LRBA: variants seen among roughly 807,000 people sequenced by gnomAD.
LRBA encodes the protein LPS responsive beige-like anchor protein, also known as lipopolysaccharide-responsive and beige-like anchor protein.
In LRBA, 176 loss-of-function variants were observed where a neutral mutation model predicts 330.0. The ratio of observed to expected loss-of-function variants is 0.53; its 90% CI spans 0.47 to 0.60. LRBA has a LOEUF of 0.60. LRBA is among the 20% of genes least tolerant of loss of function. LRBA has a pLI of 0.00. For synonymous variants in LRBA, 1,230 were observed against 1,193.0 expected (o/e 1.03, Z -0.64); for missense variants, 3,259 against 3,444.8 (o/e 0.95, Z 1.35).
chr4:150,936,949 C>T (rs1735138534), intron 2 of LRBA, among the ~76,000 whole-genome samples: 1 of 151,952 alleles, frequency 6.6e-6, no homozygotes, highest in South Asian at 2.1e-4. Context: ...ACATAAGAGA[C>T]CTTACCTTCA....
chr4:150,706,791 C>T (rs9884181), intron 36 of LRBA, among the ~76,000 whole-genome samples: 132,391 of 151,560 alleles, frequency 0.87, 58,372 homozygotes, highest in Non-Finnish European at 0.95. Flanking sequence ...AAAGGACATG[C>T]TCACAGAAAG....
At chr4:150,339,294 A>T (rs997695702) in intron 48 of LRBA, among the ~76,000 whole-genome samples, 4 of 152,320 alleles carry the variant, frequency 2.6e-5, no homozygotes, top group Admixed American at 6.5e-5. Context: ...AAATTCCTTC[A>T]TTCCTGTCAA....
At chr4:150,770,224 C>T (rs575342093) in intron 34 of LRBA, among the ~76,000 whole-genome samples, 33 of 152,248 alleles carry the variant, frequency 2.2e-4, no homozygotes, top group South Asian at 1.2e-3. Flanking sequence ...GGGACTTACA[C>T]CATTGGTTTT....
At chr4:150,599,163 G>A (rs776253657) in intron 37 of LRBA, 32 bp from the exon 38 acceptor site, 8 of 1,611,294 alleles carry the variant, frequency 5.0e-6, no homozygotes, top group Non-Finnish European at 6.8e-6. Context: ...ACATATGTTA[G>A]CAATTATCAA....
chr4:150,315,230 T>C (rs1043750425), intron 51 of LRBA: 3 of 366,884 alleles, frequency 8.2e-6, no homozygotes, highest in Non-Finnish European at 9.9e-6. Flanking sequence ...TAACGTGCCT[T>C]GCTCCTGCTC....
At chr4:150,383,406 T>C (rs1424277152) in intron 47 of LRBA, among the ~76,000 whole-genome samples, 6 of 152,124 alleles carry the variant, frequency 3.9e-5, no homozygotes, top group African/African-American at 1.2e-4. Context: ...AGAACCACCA[T>C]GTCTGGCTAA....
At chr4:150,948,292 A>G (rs1349368943) in intron 2 of LRBA, among the ~76,000 whole-genome samples, 1 of 152,048 alleles carries the variant, frequency 6.6e-6, no homozygotes, top group African/African-American at 2.4e-5. Flanking sequence ...ACATAAATCA[A>G]TGAGACAGAA....
chr4:150,613,728 C>T (rs1250396863), intron 37 of LRBA, among the ~76,000 whole-genome samples: 1 of 152,222 alleles, frequency 6.6e-6, no homozygotes, highest in Non-Finnish European at 1.5e-5. Context: ...TGCTTTGCAT[C>T]TCTGGCGGGA....
At chr4:150,498,549 G>C (rs1759856449) in intron 40 of LRBA, among the ~76,000 whole-genome samples, 1 of 152,004 alleles carries the variant, frequency 6.6e-6, no homozygotes, top group South Asian at 2.1e-4. Flanking sequence ...GGATATTAAG[G>C]AACCATAGCA....
intron 2 of LRBA, among the ~76,000 whole-genome samples, chr4:150,964,244 T>TG (rs202101772): frequency 0.014 from 1,984 of 137,178 alleles, 56 homozygotes; most frequent in Non-Finnish European, 0.016. Flanking sequence ...GTCTGGGAGA[T>TG]GGGGGGGCCC....
intron 47 of LRBA, among the ~76,000 whole-genome samples, chr4:150,407,472 A>G (rs1746362782): frequency 6.6e-6 from 1 of 152,204 alleles, no homozygotes; most frequent in South Asian, 2.1e-4. Context: ...ACAAAAACAA[A>G]AAAAACAACT....
In LRBA at chr4:150,510,526, C is replaced by G. The variant is rs1232321914; in HGVS notation, c.6331-19491G>C. 8.5e-5 allele frequency among the ~76,000 whole-genome samples: 13 copies of G among 152,310 alleles called. No homozygotes were observed. In the East Asian group the frequency reaches 2.5e-3, roughly 29 times the overall value. ...TAAATGTCTTCTCATACTACCTTCC[C>G]ACTCTTGTACCTTCACAAATTGTCA... On this transcript the variant is annotated intron_variant, in intron 40 of 56. Coordinates refer to ENST00000651943, the MANE Select transcript of LRBA (RefSeq NM_001364905.1).
intron 2 of LRBA, among the ~76,000 whole-genome samples, chr4:151,004,158 T>C (rs1324720381): frequency 6.6e-6 from 1 of 152,096 alleles, no homozygotes; most frequent in African/African-American, 2.4e-5. Flanking sequence ...CTGCCCGGCC[T>C]CCCAAGTAGC....
chr4:150,997,335 T>C (rs1742767198), intron 2 of LRBA, among the ~76,000 whole-genome samples: 2 of 152,344 alleles, frequency 1.3e-5, no homozygotes, highest in East Asian at 1.9e-4. Context: ...TCAAAAGTCA[T>C]TGTGTCAATT....
At chr4:150,983,113 C>T (rs1741045490) in intron 2 of LRBA, among the ~76,000 whole-genome samples, 1 of 151,962 alleles carries the variant, frequency 6.6e-6, no homozygotes, top group Non-Finnish European at 1.5e-5. Context: ...GAAAAAACAA[C>T]ATTATAAAAC....
At chr4:150,800,152 TA>T (rs1741393921) in intron 33 of LRBA, among the ~76,000 whole-genome samples, 3 of 152,246 alleles carry the variant, frequency 2.0e-5, no homozygotes, top group Admixed American at 2.0e-4. Context: ...AGAAGGTTCA[TA>T]GCTACTTTCT....
intron 36 of LRBA, among the ~76,000 whole-genome samples, chr4:150,729,008 T>C (rs1025092623): frequency 2.6e-5 from 4 of 152,176 alleles, no homozygotes; most frequent in Non-Finnish European, 4.4e-5. Flanking sequence ...AGTTGCAGTA[T>C]ACAAAAACCA....
intron 46 of LRBA, among the ~76,000 whole-genome samples, chr4:150,419,765 G>A (rs1296321634): frequency 6.7e-6 from 1 of 149,248 alleles, no homozygotes; most frequent in African/African-American, 2.5e-5. Flanking sequence ...AGCTTCCTTA[G>A]TAGCTGAGAT....
At chr4:150,268,861 C>G (rs753829913) in intron 56 of LRBA, among the ~76,000 whole-genome samples, 4 of 152,182 alleles carry the variant, frequency 2.6e-5, no homozygotes, top group African/African-American at 9.7e-5. Flanking sequence ...TTTAATCACT[C>G]TTATCCAACA....
Sources: gnomAD v4.1 joint callset for allele counts (sites outside exome capture counted in the v4.1 genomes callset) on GRCh38, gnomAD v4.1.1 for gene constraint, MANE v1.5 for transcripts, NCBI Gene and HGNC (gene_info 2026-07-23, HGNC 2026-07-21) for gene names.